Variants in RPS6KC1 observed in about 807,000 individuals in gnomAD.
RPS6KC1 encodes the protein ribosomal protein S6 kinase C1, also known as inactive ribosomal protein S6 kinase delta-1.
Under a neutral mutation model 103.8 loss-of-function variants are expected in RPS6KC1, and 54 were observed. The observed-to-expected ratio is 0.52, with a 90% CI of 0.42 to 0.65. The LOEUF is 0.65. Ranked by LOEUF, RPS6KC1 falls within the 30% of genes least tolerant of loss-of-function variation. The pLI, the probability that RPS6KC1 is intolerant of heterozygous loss-of-function variation, is 0.00. For missense variants in RPS6KC1, 1,151 were observed against 1,253.8 expected, an observed-to-expected ratio of 0.92 and a Z score of 1.24; for synonymous variants, 439 against 438.7, an observed-to-expected ratio of 1.00 and a Z score of -0.01.
chr1:213,313,277 C>G, the RPS6KC1 span, among the ~76,000 whole-genome samples: 1 of 152,110 alleles, frequency 6.6e-6, no homozygotes, highest in Admixed American at 6.5e-5. Context: ...CCAATCCGCC[C>G]AGAGGAGGCA....
intron 7 of RPS6KC1, among the ~76,000 whole-genome samples, chr1:213,169,239 T>C (rs989474305): frequency 2.0e-5 from 3 of 152,200 alleles, no homozygotes; most frequent in Non-Finnish European, 4.4e-5. Flanking sequence ...TTTTTGAAAA[T>C]GATAAGATAG....
At chr1:213,573,423 TAAG>T in the RPS6KC1 span, among the ~76,000 whole-genome samples, 10 of 152,206 alleles carry the variant, frequency 6.6e-5, no homozygotes, top group African/African-American at 1.9e-4. Context: ...GGGACTCTCA[TAAG>T]AAGAATGACC....
the RPS6KC1 span, among the ~76,000 whole-genome samples, chr1:213,748,769 G>A: frequency 6.6e-6 from 1 of 152,236 alleles, no homozygotes; most frequent in African/African-American, 2.4e-5. Flanking sequence ...TTCTAGCCAA[G>A]AGGAGAGATA....
chr1:213,861,269 G>A, the RPS6KC1 span, among the ~76,000 whole-genome samples: 167 of 152,290 alleles, frequency 1.1e-3, no homozygotes, highest in Middle Eastern at 0.014. Flanking sequence ...CAAAACAGGA[G>A]TGGTTCAACC....
At chr1:213,768,780 A>G in the RPS6KC1 span, among the ~76,000 whole-genome samples, 1 of 152,208 alleles carries the variant, frequency 6.6e-6, no homozygotes, top group Non-Finnish European at 1.5e-5. Flanking sequence ...AAAACACCAA[A>G]ATGGAAAATT....
the RPS6KC1 span, among the ~76,000 whole-genome samples, chr1:213,584,191 T>C: frequency 6.6e-6 from 1 of 152,226 alleles, no homozygotes; most frequent in Non-Finnish European, 1.5e-5. Flanking sequence ...TCTGCCATGA[T>C]TGTGAGGCTT....
intron 8 of RPS6KC1, among the ~76,000 whole-genome samples, chr1:213,202,437 A>G (rs912000670): frequency 3.3e-5 from 5 of 152,006 alleles, no homozygotes; most frequent in African/African-American, 1.2e-4. Context: ...ACATAGTGCA[A>G]CCCTGTCTCT....
the RPS6KC1 span, among the ~76,000 whole-genome samples, chr1:213,760,502 G>A: frequency 6.6e-6 from 1 of 152,142 alleles, no homozygotes; most frequent in Non-Finnish European, 1.5e-5. Context: ...GATCTGGTAA[G>A]ATCTCAGCTC....
chr1:213,457,697 A>G, the RPS6KC1 span, among the ~76,000 whole-genome samples: 114 of 152,088 alleles, frequency 7.5e-4, no homozygotes, highest in African/African-American at 2.6e-3. Context: ...ATACAGTAAT[A>G]ACTTAATTGG....
chr1:213,299,922 A>G, the RPS6KC1 span, among the ~76,000 whole-genome samples: 1 of 152,122 alleles, frequency 6.6e-6, no homozygotes, highest in African/African-American at 2.4e-5. Context: ...CTCCTGCCTC[A>G]GCCTCCCGAG....
chr1:213,825,363 A>G, the RPS6KC1 span, among the ~76,000 whole-genome samples: 1 of 152,226 alleles, frequency 6.6e-6, no homozygotes, highest in East Asian at 1.9e-4. Flanking sequence ...GCATACTTGC[A>G]GTGCAGTTTT....
the RPS6KC1 span, among the ~76,000 whole-genome samples, chr1:213,627,371 G>A: frequency 6.6e-6 from 1 of 152,134 alleles, no homozygotes; most frequent in Non-Finnish European, 1.5e-5. Flanking sequence ...TCTGCAAACA[G>A]GGACAATTTG....
chr1:213,754,533 T>A, the RPS6KC1 span, among the ~76,000 whole-genome samples: 5 of 152,142 alleles, frequency 3.3e-5, no homozygotes, highest in Non-Finnish European at 5.9e-5. Flanking sequence ...TCTCAAGAGA[T>A]CTGGTTGTTT....
At chr1:213,829,114 G>A in the RPS6KC1 span, among the ~76,000 whole-genome samples, 4 of 152,126 alleles carry the variant, frequency 2.6e-5, no homozygotes, top group South Asian at 2.1e-4. Flanking sequence ...TAGTCCCGAC[G>A]AAGCCTACAA....
At chr1:213,389,564 G>A in the RPS6KC1 span, among the ~76,000 whole-genome samples, 6 of 152,220 alleles carry the variant, frequency 3.9e-5, no homozygotes, top group Non-Finnish European at 8.8e-5. Context: ...CACTGATGGC[G>A]GCTTGGGCAT....
chr1:213,317,476 A>G, the RPS6KC1 span, among the ~76,000 whole-genome samples: 1 of 152,226 alleles, frequency 6.6e-6, no homozygotes, highest in African/African-American at 2.4e-5. Flanking sequence ...TCTCAAGGAC[A>G]CAAATCCTAT....
chr1:213,133,567 A>T lies in RPS6KC1; in HGVS notation c.835+3678A>T, dbSNP rs184405211. Reference sequence around the variant, plus strand: ...GTTAGCAAGAATAATTATTTAAAACAGGAAGCTACCAGATGGCGAGCATTG... The same window carrying T: ...GTTAGCAAGAATAATTATTTAAAACTGGAAGCTACCAGATGGCGAGCATTG... On this transcript the variant is annotated intron_variant, in intron 6 of 14. Transcript: ENST00000366960. 3.9e-4 allele frequency among the ~76,000 whole-genome samples: 59 copies of T among 152,304 alleles called. 1 individual carries two copies. Among genetic ancestry groups the T allele is most frequent in the Admixed American group, 3.1e-3 (47 of 15,298 alleles).
At chr1:213,223,855 C>G (rs892109235) in intron 8 of RPS6KC1, among the ~76,000 whole-genome samples, 1 of 152,098 alleles carries the variant, frequency 6.6e-6, no homozygotes, top group Non-Finnish European at 1.5e-5. Flanking sequence ...ATTAATTGTT[C>G]TGGAGTCCCA....
intron 8 of RPS6KC1, among the ~76,000 whole-genome samples, chr1:213,201,093 A>G (rs1433607739): frequency 6.6e-6 from 1 of 152,216 alleles, no homozygotes; most frequent in Non-Finnish European, 1.5e-5. Context: ...CTATGTAACA[A>G]ACCTGCACAT....
Sources: allele counts gnomAD v4.1 joint callset (sites outside exome capture counted in the v4.1 genomes callset), GRCh38; gene constraint gnomAD v4.1.1; transcripts MANE v1.5; gene names NCBI Gene and HGNC (gene_info 2026-07-23, HGNC 2026-07-21).